The following MYO1E variants were observed in gnomAD, a reference collection of about 807,000 sequenced individuals.
MYO1E encodes the protein unconventional myosin-Ie.
MYO1E carries 68 observed loss-of-function variants against 151.1 expected under a neutral mutation model. The observed-to-expected ratio is 0.45, with a 90% confidence interval of 0.37 to 0.55. The LOEUF (loss-of-function observed/expected upper bound fraction) is 0.55. MYO1E is among the 20% of genes least tolerant of loss of function. The pLI is 0.00. For synonymous variants in MYO1E, 601 were observed against 501.7 expected, an observed-to-expected ratio of 1.20 and a Z score of -2.64; for missense variants, 1,363 against 1,389.3, an observed-to-expected ratio of 0.98 and a Z score of 0.30.
chr15:59,234,283 C>CGGAT (rs1461046657), intron 5 of MYO1E, among the ~76,000 whole-genome samples: 17 of 146,388 alleles, frequency 1.2e-4, no homozygotes, highest in East Asian at 9.7e-4. Context: ...GATGGATGCA[C>CGGAT]GGATGGATGG....
chr15:59,345,281 G>A (rs1226655877), intron 1 of MYO1E, among the ~76,000 whole-genome samples: 2 of 151,704 alleles, frequency 1.3e-5, no homozygotes, highest in Non-Finnish European at 2.9e-5. Flanking sequence ...GCAAAGTGCA[G>A]AATATTGCAG....
At chr15:59,226,436 A>G (rs1394179705) in intron 7 of MYO1E, among the ~76,000 whole-genome samples, 1 of 152,232 alleles carries the variant, frequency 6.6e-6, no homozygotes, top group African/African-American at 2.4e-5. Flanking sequence ...TAAAATACTA[A>G]TAAGTAAATA....
intron 3 of MYO1E, among the ~76,000 whole-genome samples, chr15:59,258,954 G>GTTTTT (rs201872129): frequency 1.3e-5 from 2 of 148,648 alleles, no homozygotes; most frequent in Non-Finnish European, 1.5e-5. Context: ...CCCCTCTCTT[G>GTTTTT]TTTTTTTTTG....
At chr15:59,248,483 T>A (rs1346297905) in intron 4 of MYO1E, among the ~76,000 whole-genome samples, 2 of 53,978 alleles carry the variant, frequency 3.7e-5, no homozygotes, top group East Asian at 4.0e-4. Flanking sequence ...TGAGACTCCA[T>A]CTCAAAAAAA....
chr15:59,170,961 G>C (rs1291212051), intron 22 of MYO1E, among the ~76,000 whole-genome samples: 1 of 152,194 alleles, frequency 6.6e-6, no homozygotes, highest in Non-Finnish European at 1.5e-5. Context: ...GTTCATGTGA[G>C]AGCAGAACAT....
rs1328513360 is a variant in MYO1E at position 59,161,244 on chromosome 15, A to T, written c.2628-14T>A. ...TTCAGTTCAAGCCTGCAAAAAGCAC[A>T]GTGGGGTTAACAGGTCGAAGGACGC... On this transcript the variant is annotated splice_polypyrimidine_tract_variant and intron_variant, in intron 23 of 27. Transcript: ENST00000288235. 8 of 1,613,380 alleles carry T rather than the reference A, an allele frequency of 5.0e-6. No homozygotes were observed. The highest frequency in any genetic ancestry group is 6.8e-6 in the Non-Finnish European group (8 of 1,179,552).
chr15:59,163,710 TTA>T (rs2079549999), intron 22 of MYO1E, among the ~76,000 whole-genome samples: 1 of 152,186 alleles, frequency 6.6e-6, no homozygotes, highest in Non-Finnish European at 1.5e-5. Flanking sequence ...TTAGTATAAT[TTA>T]TGATATGGTT....
Position 59,195,536 on chromosome 15 carries a change from A to C in MYO1E, c.1730T>G (p.Met577Arg). The change falls in exon 17 of 28, where the codon ATG becomes AGG. Residue 577 changes from methionine to arginine, a missense_variant. Physicochemically the swap from Met to Arg is moderately conservative, Grantham distance 91. Coordinates refer to ENST00000288235, the MANE Select transcript of MYO1E (RefSeq NM_004998.4). Reference protein sequence around the residue: ...KQANDLVSTLMKCTPHYIRCI... With the variant: ...KQANDLVSTLRKCTPHYIRCI... ...GCGAATGTAGTGGGGCGTACATTTCATCAGGGTGCTCACAAGGTCATTGGC... is the reference window on the plus strand; with the variant it reads ...GCGAATGTAGTGGGGCGTACATTTCCTCAGGGTGCTCACAAGGTCATTGGC... The C allele has an allele frequency of 6.2e-7, 1 of 1,614,136 alleles. No individual in the cohort carries two copies. The highest frequency in any genetic ancestry group is 8.5e-7 in the Non-Finnish European group (1 of 1,179,970).
In MYO1E at chr15:59,163,361, GTTT is replaced by G. The variant is rs3214992; in HGVS notation, c.2481-61_2481-59del. On this transcript the variant is annotated intron_variant, in intron 22 of 27. Coordinates refer to ENST00000288235, the MANE Select transcript of MYO1E (RefSeq NM_004998.4). ...AAGCTGTGCTTCTGTTTACTCTATT[GTTT>G]TTTTTTTCTTCCATTTTAAAAATCC... The G allele has an allele frequency of 2.9e-6, 4 of 1,395,138 alleles. No individual in the cohort carries two copies. In the East Asian group the frequency reaches 1.0e-4, roughly 36 times the overall value. The allele number at this position is 1,395,138 out of a possible 1,614,324, so 86.4% of individuals were successfully genotyped here.
chr15:59,297,936 C>T (rs1426185712), intron 1 of MYO1E, among the ~76,000 whole-genome samples: 1 of 152,122 alleles, frequency 6.6e-6, no homozygotes, highest in African/African-American at 2.4e-5. Flanking sequence ...AATTTCCCTC[C>T]ATTTGAGTTT....
At chr15:59,164,849 G>C (rs549863731) in intron 22 of MYO1E, among the ~76,000 whole-genome samples, 43 of 152,298 alleles carry the variant, frequency 2.8e-4, no homozygotes, top group Admixed American at 1.5e-3. Context: ...ACCTTGGTCT[G>C]ATGTTGAAAC....
intron 5 of MYO1E, among the ~76,000 whole-genome samples, chr15:59,236,194 T>C (rs1356552244): frequency 6.6e-6 from 1 of 151,632 alleles, no homozygotes; most frequent in Non-Finnish European, 1.5e-5. Flanking sequence ...AATACAAAAA[T>C]TAGCTGGGCA....
At position 59,182,880 on chromosome 15, in the gene MYO1E, A is replaced by G. The variant is rs185578092; in HGVS notation, c.1905-4343T>C. On this transcript the variant is annotated intron_variant, in intron 18 of 27. Transcript: ENST00000288235. ...TTCATGGAAGATAATTTTTCTATGG[A>G]CGGGGTTGTGGGGATGGTTTTGGGA... 1.5e-3 allele frequency among the ~76,000 whole-genome samples: 225 copies of G among 152,274 alleles called. 1 individual carries two copies. Among genetic ancestry groups the G allele is most frequent in the African/African-American group, 5.2e-3 (216 of 41,558 alleles).
At chr15:59,293,271 C>A (rs2140398223) in intron 1 of MYO1E, among the ~76,000 whole-genome samples, 1 of 152,294 alleles carries the variant, frequency 6.6e-6, no homozygotes, top group Middle Eastern at 3.4e-3. Context: ...AAGCACTTTA[C>A]TTATACTAAC....
chr15:59,371,576 G>A (rs1282381419), intron 1 of MYO1E, among the ~76,000 whole-genome samples: 6 of 152,100 alleles, frequency 3.9e-5, no homozygotes, highest in Non-Finnish European at 8.8e-5. Flanking sequence ...AGCTGGACTG[G>A]GGAGTTGGAA....
intron 26 of MYO1E, among the ~76,000 whole-genome samples, chr15:59,152,058 C>A (rs1237776567): frequency 6.6e-6 from 1 of 151,078 alleles, no homozygotes; most frequent in Non-Finnish European, 1.5e-5. Flanking sequence ...CCGAGTGAGA[C>A]TCCGTCTAAA....
Position 59,219,069 on chromosome 15 carries a change from T to C in MYO1E, c.911-982A>G, listed in dbSNP as rs564759636. Reference sequence around the variant, plus strand: ...AGAAGATTCCTCTGAGGGTAGCATATGGAGTGAAATGAAGGGGATGGTATT... The same window carrying C: ...AGAAGATTCCTCTGAGGGTAGCATACGGAGTGAAATGAAGGGGATGGTATT... On this transcript the variant is annotated intron_variant, in intron 9 of 27. Transcript: ENST00000288235. Among the ~76,000 whole-genome samples the C allele has an allele frequency of 4.6e-5, 7 of 152,290 alleles. 1 individual carries two copies. The highest frequency in any genetic ancestry group is 1.7e-4 in the African/African-American group (7 of 41,574).
At chr15:59,297,437 A>ATTTTTT (rs755470049) in intron 1 of MYO1E, among the ~76,000 whole-genome samples, 12 of 63,486 alleles carry the variant, frequency 1.9e-4, no homozygotes, top group Admixed American at 7.9e-4. Context: ...CACCCAGCTA[A>ATTTTTT]TTTTTTTTTT....
intron 1 of MYO1E, among the ~76,000 whole-genome samples, chr15:59,296,519 G>C (rs1186419610): frequency 2.0e-5 from 3 of 152,206 alleles, no homozygotes; most frequent in Non-Finnish European, 4.4e-5. Context: ...AGGGAGAACA[G>C]CTCATTTGCC....
Sources: allele counts gnomAD v4.1 joint callset (sites outside exome capture counted in the v4.1 genomes callset), GRCh38; gene constraint gnomAD v4.1.1; transcripts MANE v1.5; gene names NCBI Gene and HGNC (gene_info 2026-07-23, HGNC 2026-07-21).